KDM3B: variants seen among roughly 807,000 people sequenced by gnomAD.
KDM3B encodes lysine-specific demethylase 3B.
In KDM3B, 10 loss-of-function variants were observed where a neutral mutation model predicts 170.0. The observed-to-expected ratio is 0.06, with a 90% CI of 0.04 to 0.10. The LOEUF (loss-of-function observed/expected upper bound fraction) is 0.10. KDM3B is among the 10% of genes least tolerant of loss of function. The pLI is 1.00. For synonymous variants in KDM3B, 831 were observed against 834.8 expected, an observed-to-expected ratio of 1.00 and a Z score of 0.08; for missense variants, 1,394 against 2,195.2, an observed-to-expected ratio of 0.64 and a Z score of 7.29.
At chr5:138,408,555 A>T (rs1341036653) in intron 11 of KDM3B, among the ~76,000 whole-genome samples, 4 of 152,166 alleles carry the variant, frequency 2.6e-5, no homozygotes, top group Non-Finnish European at 5.9e-5. Flanking sequence ...GGAAGCACTT[A>T]CCAGCTCGTT....
At chr5:138,416,785 T>C (rs867031623) in intron 12 of KDM3B, among the ~76,000 whole-genome samples, 7 of 152,128 alleles carry the variant, frequency 4.6e-5, no homozygotes, top group Non-Finnish European at 8.8e-5. Flanking sequence ...TTTTACCTTT[T>C]TTTTAAGGTA....
chr5:138,422,292 G>A (rs1561793271), intron 15 of KDM3B, among the ~76,000 whole-genome samples: 1 of 152,060 alleles, frequency 6.6e-6, no homozygotes, highest in Non-Finnish European at 1.5e-5. Context: ...ATCCAGTCAT[G>A]TTTAGTAAGC....
chr5:138,412,226 C>T (rs987151039), intron 11 of KDM3B, among the ~76,000 whole-genome samples: 1 of 150,982 alleles, frequency 6.6e-6, no homozygotes, highest in African/African-American at 2.4e-5. Context: ...ATCCCAGCTG[C>T]TTGGGAGGCT....
intron 10 of KDM3B, among the ~76,000 whole-genome samples, chr5:138,399,089 C>T (rs903629454): frequency 9.9e-5 from 15 of 151,190 alleles, no homozygotes; most frequent in Admixed American, 5.3e-4. Flanking sequence ...AGCGTTTCGC[C>T]GTGTTAGCCA....
intron 19 of KDM3B, 151 bp from the exon 20 acceptor site, chr5:138,427,816 G>A (rs1014242830): frequency 2.7e-6 from 2 of 731,974 alleles, no homozygotes; most frequent in Non-Finnish European, 4.5e-6. Context: ...GTATAAAAGA[G>A]ATGAAAGTGA....
In KDM3B at chr5:138,387,353, C is replaced by CT. The variant is rs374023829; in HGVS notation, c.1380+740dup. 1.4e-3 allele frequency among the ~76,000 whole-genome samples: 217 copies of CT among 152,038 alleles called. 1 individual carries two copies. The highest frequency in any genetic ancestry group is 2.6e-3 in the Non-Finnish European group (175 of 67,966). On this transcript the variant is annotated intron_variant, in intron 7 of 23. Transcript: ENST00000314358. ...AAATATGATTTATGGTGCTAGTCAT[C>CT]TTTTTTTTCCCCAAACAGCTATTAA... is the stretch of plus-strand genomic sequence containing the variant.
Position 138,391,600 on chromosome 5 carries a change from ATCAGGTAGC to A in KDM3B, c.1971_1979del (p.Gly658_Ser660del). 6.2e-7 allele frequency: 1 copy of A among 1,614,164 alleles called. No individual in the cohort carries two copies. The highest frequency in any genetic ancestry group is 8.5e-7 in the Non-Finnish European group (1 of 1,180,032). On this transcript the variant is annotated inframe_deletion, in exon 8 of 24. Transcript: ENST00000314358. This position sits in a 1 kb window ranked among gnomAD's most constrained non-coding sequence, Gnocchi z 5.0. ...CTTTCAGTAGTTTTGCATCTCAGGC[ATCAGGTAGC>A]TCCTCTTCTGCTACCACTGTCACCT...
At chr5:138,354,957 G>A (rs1270329156) in intron 1 of KDM3B, among the ~76,000 whole-genome samples, 1 of 152,168 alleles carries the variant, frequency 6.6e-6, no homozygotes, top group African/African-American at 2.4e-5. Context: ...GTATTTTGTT[G>A]AGGTTCTATT....
At chr5:138,365,587 T>TTA (rs1429848464) in intron 1 of KDM3B, among the ~76,000 whole-genome samples, 1 of 152,096 alleles carries the variant, frequency 6.6e-6, no homozygotes, top group East Asian at 1.9e-4. Context: ...CTTAGGTCTT[T>TTA]TAACTGGGTT....
chr5:138,410,317 A>G (rs1157133869), intron 11 of KDM3B, among the ~76,000 whole-genome samples: 1 of 152,214 alleles, frequency 6.6e-6, no homozygotes, highest in Non-Finnish European at 1.5e-5. Flanking sequence ...CATTTCAAGA[A>G]TTAATATTAA....
chr5:138,392,253 C>G lies in KDM3B; in HGVS notation c.2621C>G (p.Pro874Arg). ...QAPKGRPRTA[P>R]LKVGQSVLKD... ...CCCAAGGGCCGGCCTCGGACTGCCC[C>G]CCTGAAAGGTGATCCTGCTGGGGCT... Residue 874 changes from proline (P) to arginine (R), a missense_variant, in exon 8 of 24, where the codon CCC becomes CGC. Around this residue, in one of 19 missense-constraint regions of KDM3B, gnomAD observed 84 missense variants for 135.8 expected, o/e 0.62. Coordinates refer to ENST00000314358, the MANE Select transcript of KDM3B (RefSeq NM_016604.4). 6.7e-7 allele frequency: 1 copy of G among 1,488,804 alleles called. No homozygotes were observed. The highest frequency in any genetic ancestry group is 8.9e-7 in the Non-Finnish European group (1 of 1,117,498). 92.2% of individuals were successfully genotyped at this position (1,488,804 alleles called of 1,614,324 possible).
At chr5:138,370,410 A>G (rs536758063) in intron 1 of KDM3B, among the ~76,000 whole-genome samples, 3 of 152,306 alleles carry the variant, frequency 2.0e-5, no homozygotes, top group South Asian at 4.1e-4. Context: ...CTACTGAGCT[A>G]TGGTTCCATA....
chr5:138,364,588 T>TA (rs879790416), intron 1 of KDM3B, among the ~76,000 whole-genome samples: 33 of 145,940 alleles, frequency 2.3e-4, no homozygotes, highest in Admixed American at 4.1e-4. Context: ...ATATAGCAAT[T>TA]AAAAAAAAAA....
intron 14 of KDM3B, among the ~76,000 whole-genome samples, chr5:138,419,970 C>T (rs577574524): frequency 6.6e-6 from 1 of 150,454 alleles, no homozygotes; most frequent in Non-Finnish European, 1.5e-5. Context: ...ACTGCAACCT[C>T]CGTCTCCCAG....
chr5:138,371,893 T>C (rs934516608), intron 1 of KDM3B, among the ~76,000 whole-genome samples: 1 of 152,012 alleles, frequency 6.6e-6, no homozygotes, highest in Non-Finnish European at 1.5e-5. Context: ...GAGTCTGAGG[T>C]GTACAGATCC....
At chr5:138,393,139 G>A in intron 8 of KDM3B, 32 bp from the exon 9 acceptor site, 1 of 1,607,100 alleles carries the variant, frequency 6.2e-7, no homozygotes, top group Non-Finnish European at 8.5e-7. Flanking sequence ...TACACCTCAT[G>A]ACAAACTTTT....
At chr5:138,357,514 C>T (rs1042521521) in intron 1 of KDM3B, among the ~76,000 whole-genome samples, 9 of 151,674 alleles carry the variant, frequency 5.9e-5, no homozygotes, top group African/African-American at 2.2e-4. Flanking sequence ...CAGATGCACA[C>T]TACCACGTCT....
intron 6 of KDM3B, among the ~76,000 whole-genome samples, chr5:138,382,646 C>T (rs1335658416): frequency 6.6e-6 from 1 of 151,938 alleles, no homozygotes; most frequent in Non-Finnish European, 1.5e-5. Context: ...CTTCCTAAAA[C>T]AAGATCAGAA....
At chr5:138,374,368 C>T in intron 2 of KDM3B, 1 of 392,210 alleles carries the variant, frequency 2.5e-6, no homozygotes, top group Non-Finnish European at 5.2e-6. Flanking sequence ...AAGCAATTCT[C>T]CTGCCTCAGC....
Sources: allele counts gnomAD v4.1 joint callset (sites outside exome capture counted in the v4.1 genomes callset), GRCh38; gene constraint gnomAD v4.1.1; regional missense constraint gnomAD v4.1.1; non-coding constraint Gnocchi (gnomAD v3.1); transcripts MANE v1.5; gene names NCBI Gene and HGNC (gene_info 2026-07-23, HGNC 2026-07-21).